COL11A1: variants seen among roughly 807,000 people sequenced by gnomAD.
The protein encoded by COL11A1 is collagen alpha-1(XI) chain.
In COL11A1, 74 loss-of-function variants were observed where a neutral mutation model predicts 265.2. That is an observed-to-expected ratio of 0.28 (90% CI 0.23 to 0.34). COL11A1 has a LOEUF of 0.34. Among genes scored for constraint, COL11A1 ranks in the 10% least tolerant of loss-of-function variants. COL11A1 has a pLI of 1.00. For synonymous variants in COL11A1, 816 were observed against 727.6 expected, an observed-to-expected ratio of 1.12 and a Z score of -1.96; for missense variants, 2,165 against 2,263.6, an observed-to-expected ratio of 0.96 and a Z score of 0.88.
chr1:103,031,277 C>G, intron 4 of COL11A1, 33 bp from the exon 5 acceptor site: 1 of 1,591,400 alleles, frequency 6.3e-7, no homozygotes. Flanking sequence ...AACAAACAGA[C>G]ACAGATTCAG....
At chr1:103,087,145 A>G (rs1274110744) in intron 1 of COL11A1, among the ~76,000 whole-genome samples, 9 of 152,238 alleles carry the variant, frequency 5.9e-5, no homozygotes, top group Admixed American at 3.3e-4. Context: ...CAATTCTTAA[A>G]TGACCTTAAT....
Position 102,914,308 on chromosome 1 carries a change from A to T in COL11A1, c.3978+44T>A, listed in dbSNP as rs769070112. On this transcript the variant is annotated intron_variant, in intron 52 of 66. Coordinates refer to ENST00000370096, the MANE Select transcript of COL11A1 (RefSeq NM_001854.4). The stretch of plus-strand genomic sequence containing the variant: ...TTTATTAACAATACAGAAATTGGAA[A>T]CATTCACTCCAAAATAATTTCTTGA... The T allele has an allele frequency of 4.1e-6, 6 of 1,448,514 alleles. 1 individual carries two copies. The South Asian group carries it at 7.1e-5, about 17-fold the overall frequency. 89.7% of individuals were successfully genotyped at this position (1,448,514 alleles called of 1,614,324 possible).
chr1:102,895,267 C>G (rs1652277524), intron 57 of COL11A1, among the ~76,000 whole-genome samples: 1 of 152,132 alleles, frequency 6.6e-6, no homozygotes, highest in Non-Finnish European at 1.5e-5. Flanking sequence ...AATTGTTAAA[C>G]TTATCTATGT....
intron 41 of COL11A1, among the ~76,000 whole-genome samples, chr1:102,959,340 A>G (rs1193259940): frequency 1.3e-5 from 2 of 152,134 alleles, no homozygotes; most frequent in African/African-American, 4.8e-5. Flanking sequence ...CATCTCCCAA[A>G]TTTTGTCCCA....
At position 102,962,181 on chromosome 1, in the gene COL11A1, C is replaced by T. The variant is rs951756351; in HGVS notation, c.3109G>A (p.Ala1037Thr). Residue 1037 changes from alanine (A) to threonine (T), a missense_variant, in exon 40 of 67, where the codon GCT becomes ACT. Physicochemically the swap from Ala to Thr is moderately conservative, Grantham distance 58 (BLOSUM62 0). Coordinates refer to ENST00000370096, the MANE Select transcript of COL11A1 (RefSeq NM_001854.4). ...TATATAGATATTGATTATACCTGAG[C>T]TCCAGGAAGACCTCTTTCCCCTGGG... Reference protein sequence around the residue: ...GFPGERGLPGAQGAPGLKGGE... With the variant: ...GFPGERGLPGTQGAPGLKGGE... The T allele has an allele frequency of 3.7e-6, 6 of 1,610,914 alleles. No individual in the cohort carries two copies. In the African/African-American group the frequency reaches 8.0e-5, roughly 21 times the overall value.
At chr1:102,991,710 T>A (rs1455917678) in intron 28 of COL11A1, among the ~76,000 whole-genome samples, 2 of 152,118 alleles carry the variant, frequency 1.3e-5, no homozygotes, top group Non-Finnish European at 2.9e-5. Context: ...TCAGTGTGAG[T>A]TTAGCAAGGT....
At chr1:102,909,230 G>T (rs992588958) in intron 54 of COL11A1, among the ~76,000 whole-genome samples, 1 of 151,978 alleles carries the variant, frequency 6.6e-6, no homozygotes, top group Admixed American at 6.6e-5. Flanking sequence ...AAAGTGCCTG[G>T]CACCTCTGCT....
intron 4 of COL11A1, among the ~76,000 whole-genome samples, chr1:103,060,027 A>AAATATCAGACCAAAAATCTGGG (rs1670548172): frequency 6.6e-6 from 1 of 152,156 alleles, no homozygotes; most frequent in African/African-American, 2.4e-5. Flanking sequence ...TATAATATTC[A>AAATATCAGACCAAAAATCTGGG]AATATCAGAC....
intron 41 of COL11A1, among the ~76,000 whole-genome samples, chr1:102,954,520 GGCAAAAACAC>G: frequency 6.6e-6 from 1 of 152,130 alleles, no homozygotes; most frequent in East Asian, 1.9e-4. Flanking sequence ...ACAACTAGAG[GGCAAAAACAC>G]GTCTGCTCTG....
rs182418031 is a variant in COL11A1 at position 102,882,251 on chromosome 1, G to A, written c.4972-486C>T. 1.3e-3 allele frequency among the ~76,000 whole-genome samples: 194 copies of A among 152,318 alleles called. 1 individual carries two copies. Among genetic ancestry groups the A allele is most frequent in the Non-Finnish European group, 1.2e-3 (82 of 68,018 alleles). ...AACCTGAATTACTCCCTGCTGGTTA[G>A]AATATTTAGAATCTTATAGATCTGC... On this transcript the variant is annotated intron_variant, in intron 64 of 66. Coordinates refer to ENST00000370096, the MANE Select transcript of COL11A1 (RefSeq NM_001854.4).
In COL11A1 at chr1:103,015,279, T is replaced by C. The variant is rs2249139; in HGVS notation, c.1488+389A>G. On this transcript the variant is annotated intron_variant, in intron 12 of 66. Coordinates refer to ENST00000370096, the MANE Select transcript of COL11A1 (RefSeq NM_001854.4). ...GAATCTTACAGTAAAGCAAATAATTTTTGAGCAATGAATAATAACACTACA... is the reference window on the plus strand; with the variant it reads ...GAATCTTACAGTAAAGCAAATAATTCTTGAGCAATGAATAATAACACTACA... Among the ~76,000 whole-genome samples the C allele has an allele frequency of 3.1e-3, 467 of 152,108 alleles. 3 individuals carry two copies. Among genetic ancestry groups the C allele is most frequent in the African/African-American group, 0.011 (450 of 41,536 alleles).
At chr1:102,925,835 T>C (rs1340949925) in intron 46 of COL11A1, among the ~76,000 whole-genome samples, 1 of 152,114 alleles carries the variant, frequency 6.6e-6, no homozygotes, top group African/African-American at 2.4e-5. Flanking sequence ...TAGCATACAC[T>C]GCAACTTAAA....
chr1:102,960,999 G>C (rs905494843), intron 41 of COL11A1, among the ~76,000 whole-genome samples: 2 of 152,164 alleles, frequency 1.3e-5, no homozygotes, highest in Non-Finnish European at 2.9e-5. Context: ...AATGGTGGTG[G>C]TAGAAATGAA....
intron 24 of COL11A1, among the ~76,000 whole-genome samples, chr1:102,999,555 G>A (rs1277734723): frequency 1.3e-5 from 2 of 151,678 alleles, no homozygotes; most frequent in Non-Finnish European, 3.0e-5. Context: ...ATCATAGGAT[G>A]TATTTGGTAT....
At chr1:102,995,283 G>A (rs963322719) in intron 28 of COL11A1, among the ~76,000 whole-genome samples, 1 of 151,736 alleles carries the variant, frequency 6.6e-6, no homozygotes, top group African/African-American at 2.4e-5. Context: ...ACCTATAAAT[G>A]CCCTATAAAA....
intron 54 of COL11A1, among the ~76,000 whole-genome samples, chr1:102,901,439 A>G (rs1276476693): frequency 6.6e-6 from 1 of 152,088 alleles, no homozygotes; most frequent in Non-Finnish European, 1.5e-5. Flanking sequence ...TGGCCACTCA[A>G]TCTTGGATGT....
chr1:103,014,087 G>A (rs1221863480), intron 13 of COL11A1, among the ~76,000 whole-genome samples: 1 of 151,948 alleles, frequency 6.6e-6, no homozygotes, highest in African/African-American at 2.4e-5. Flanking sequence ...TGTTATCCAT[G>A]ATATGTTAAA....
intron 36 of COL11A1, among the ~76,000 whole-genome samples, chr1:102,974,331 T>G (rs1206575610): frequency 1.3e-5 from 2 of 152,184 alleles, no homozygotes; most frequent in Non-Finnish European, 2.9e-5. Flanking sequence ...AGGGTTAAGA[T>G]TTAATGAGAA....
chr1:103,077,309 A>C (rs1672049830), intron 3 of COL11A1, among the ~76,000 whole-genome samples: 1 of 151,988 alleles, frequency 6.6e-6, no homozygotes. Flanking sequence ...GCTGGGCTGC[A>C]ATAAATTGAT....
Sources: gnomAD v4.1 joint callset for allele counts (sites outside exome capture counted in the v4.1 genomes callset) on GRCh38, gnomAD v4.1.1 for gene constraint, MANE v1.5 for transcripts, NCBI Gene and HGNC (gene_info 2026-07-23, HGNC 2026-07-21) for gene names.